LONRF3: variants seen among roughly 807,000 people sequenced by gnomAD.
The protein encoded by LONRF3 is LON peptidase N-terminal domain and RING finger protein 3.
Under a neutral mutation model 51.7 loss-of-function variants are expected in LONRF3, and 19 were observed. The ratio of observed to expected loss-of-function variants is 0.37; its 90% CI spans 0.26 to 0.54. The LOEUF is 0.54. LONRF3 is among the 20% of genes least tolerant of loss of function. The pLI is 0.86. For missense variants in LONRF3, 521 were observed against 623.9 expected (o/e 0.84, Z 1.76); for synonymous variants, 265 against 257.8 (o/e 1.03, Z -0.27).
chrX:119,005,340 A>G lies in LONRF3; in HGVS notation c.1416-781A>G, dbSNP rs181450596. Among the ~76,000 whole-genome samples, 196 of 111,899 alleles carry G rather than the reference A, an allele frequency of 1.8e-3. 1 individual carries two copies. The highest frequency in any genetic ancestry group is 5.8e-3 in the African/African-American group (179 of 30,773). ...AATCCATTAATTTCTGAAGGTACAG[A>G]ACAAATTTATAAAAGGATTCCCACA... On this transcript the variant is annotated intron_variant, in intron 5 of 10. Transcript: ENST00000371628.
At chrX:119,014,437 C>T (rs1448525364) in intron 10 of LONRF3, 81 bp downstream of exon 10, 10 of 908,679 alleles carry the variant, frequency 1.1e-5, no homozygotes, top group Non-Finnish European at 1.1e-5. Context: ...GGGTATGTGG[C>T]TGCCATTCAG....
intron 3 of LONRF3, among the ~76,000 whole-genome samples, chrX:118,984,389 G>C (rs751017862): frequency 8.9e-6 from 1 of 112,588 alleles, no homozygotes; most frequent in African/African-American, 3.2e-5. Context: ...AACAAAGGCA[G>C]TTAGAAGAAA....
chrX:118,992,513 A>G (rs776293889), intron 5 of LONRF3, among the ~76,000 whole-genome samples: 2 of 110,402 alleles, frequency 1.8e-5, no homozygotes, highest in East Asian at 5.7e-4. Context: ...CAGCTGCAGC[A>G]AGACCTGCCC....
intron 3 of LONRF3, among the ~76,000 whole-genome samples, chrX:118,986,316 G>A (rs1377441033): frequency 8.9e-6 from 1 of 111,840 alleles, no homozygotes; most frequent in African/African-American, 3.3e-5. Context: ...AGAAGAGGGA[G>A]GAAGCTGGAG....
Position 118,980,240 on chromosome X carries a change from A to T in LONRF3, c.936+1777A>T, listed in dbSNP as rs181092121. Among the ~76,000 whole-genome samples, 3 of 112,317 alleles carry T rather than the reference A, an allele frequency of 2.7e-5. No individual in the cohort carries two copies. The East Asian group carries it at 8.4e-4, about 31-fold the overall frequency. The stretch of plus-strand genomic sequence containing the variant: ...GAATCTTGTAAGACCAGAGGTGTTC[A>T]GAATCCAGAATGTTTTATATTTTGC... On this transcript the variant is annotated intron_variant, in intron 2 of 10. Transcript: ENST00000371628.
intron 5 of LONRF3, among the ~76,000 whole-genome samples, chrX:118,999,578 G>A (rs1924125366): frequency 8.9e-6 from 1 of 111,860 alleles, no homozygotes; most frequent in African/African-American, 3.3e-5. Flanking sequence ...CATCCTGTTT[G>A]TGTTTTCTCT....
chrX:119,015,935 C>A (rs772106064), intron 10 of LONRF3, among the ~76,000 whole-genome samples: 1 of 112,341 alleles, frequency 8.9e-6, no homozygotes, highest in South Asian at 3.7e-4. Context: ...GCTTAAATAT[C>A]TTTGTTGGTG....
chrX:118,990,442 C>T (rs761531814), intron 4 of LONRF3, 28 bp from the exon 5 acceptor site: 4 of 1,141,993 alleles, frequency 3.5e-6, no homozygotes, highest in Non-Finnish European at 4.8e-6. Context: ...GTGGCTCCAG[C>T]GCTGACTTCT....
rs764855117 is a variant in LONRF3, at chrX:118,975,231, G to A, written c.451G>A (p.Glu151Lys). ...TGAAAAAAAT[E>K]VWDGFKCRKC... Reference sequence around the variant, plus strand: ...GGCCGCCGCGGCTGCGGCGGCCACCGAGGTGTGGGACGGCTTTAAGTGCCG... The same window carrying A: ...GGCCGCCGCGGCTGCGGCGGCCACCAAGGTGTGGGACGGCTTTAAGTGCCG... Residue 151 changes from glutamate to lysine, a missense_variant, in exon 1 of 11, where the codon GAG (glutamate) becomes AAG (lysine). Glu to Lys is a moderately conservative substitution (Grantham distance 56). Around this residue, in one of 2 missense-constraint regions of LONRF3, gnomAD observed 376 missense variants for 376.7 expected, o/e 1.00. Coordinates refer to ENST00000371628, the MANE Select transcript of LONRF3 (RefSeq NM_001031855.3). The A allele has an allele frequency of 1.7e-6, 2 of 1,194,334 alleles. No individual in the cohort carries two copies. Among genetic ancestry groups the A allele is most frequent in the Non-Finnish European group, 2.3e-6 (2 of 888,183 alleles).
chrX:118,985,481 C>A (rs1348547955), intron 3 of LONRF3, among the ~76,000 whole-genome samples: 1 of 111,778 alleles, frequency 8.9e-6, no homozygotes, highest in African/African-American at 3.3e-5. Flanking sequence ...TGAAAGGAAA[C>A]ATAAGGATCA....
At chrX:118,994,886 T>G (rs746452188) in intron 5 of LONRF3, among the ~76,000 whole-genome samples, 6 of 111,907 alleles carry the variant, frequency 5.4e-5, no homozygotes, top group Non-Finnish European at 9.4e-5. Flanking sequence ...AACACAATAA[T>G]AGTGAGGGAC....
At chrX:119,011,112 TAAAA>T (rs753631329) in intron 7 of LONRF3, among the ~76,000 whole-genome samples, 1 of 86,463 alleles carries the variant, frequency 1.2e-5, no homozygotes. Context: ...AGACTCCGCT[TAAAA>T]AAAAAAAAAA....
intron 5 of LONRF3, among the ~76,000 whole-genome samples, chrX:119,001,916 A>G (rs1924344294): frequency 8.9e-6 from 1 of 112,735 alleles, no homozygotes; most frequent in Non-Finnish European, 1.9e-5. Flanking sequence ...ATGGTTTTGC[A>G]TATTAGTTGT....
chrX:118,991,054 C>T (rs1230310128), intron 5 of LONRF3, among the ~76,000 whole-genome samples: 1 of 111,115 alleles, frequency 9.0e-6, no homozygotes, highest in Non-Finnish European at 1.9e-5. Context: ...GACAGGGTTT[C>T]ACAATGTTAC....
chrX:118,982,786 A>T, intron 2 of LONRF3, 35 bp from the exon 3 acceptor site: 1 of 1,209,226 alleles, frequency 8.3e-7, no homozygotes. Flanking sequence ...AATAGGCTGA[A>T]TAAAATGGGA....
At chrX:118,985,676 G>A (rs1186108295) in intron 3 of LONRF3, among the ~76,000 whole-genome samples, 1 of 111,810 alleles carries the variant, frequency 8.9e-6, no homozygotes, top group Non-Finnish European at 1.9e-5. Context: ...ATAACATAAC[G>A]TGGTGTTGTT....
At chrX:118,978,876 A>G (rs1922296224) in intron 2 of LONRF3, among the ~76,000 whole-genome samples, 1 of 111,577 alleles carries the variant, frequency 9.0e-6, no homozygotes, top group African/African-American at 3.3e-5. Context: ...TGAGGATTAC[A>G]TAAGCTAATA....
chrX:119,014,838 G>T (rs1209700711), intron 10 of LONRF3, among the ~76,000 whole-genome samples: 3 of 111,744 alleles, frequency 2.7e-5, no homozygotes, highest in Non-Finnish European at 5.6e-5. Flanking sequence ...GATTACAACT[G>T]CAAGACCACA....
At chrX:118,990,207 C>G (rs910913625) in intron 4 of LONRF3, among the ~76,000 whole-genome samples, 2 of 111,990 alleles carry the variant, frequency 1.8e-5, no homozygotes, top group African/African-American at 6.5e-5. Flanking sequence ...GACAGAGGTG[C>G]ATGTTGCATT....
Sources: gnomAD v4.1 joint callset for allele counts (sites outside exome capture counted in the v4.1 genomes callset) on GRCh38, gnomAD v4.1.1 for gene constraint, gnomAD v4.1.1 regional missense constraint, MANE v1.5 for transcripts, NCBI Gene and HGNC (gene_info 2026-07-23, HGNC 2026-07-21) for gene names.